The following LONP2 variants were observed in gnomAD, a reference collection of about 807,000 sequenced individuals.
The protein encoded by LONP2 is lon peptidase 2, peroxisomal, also known as lon protease homolog 2, peroxisomal.
In LONP2, 60 loss-of-function variants were observed where a neutral mutation model predicts 85.6. That is an observed-to-expected ratio of 0.70 (90% CI 0.57 to 0.87). The LOEUF is 0.87. Among genes scored for constraint, LONP2 ranks in the 40% least tolerant of loss-of-function variants. The pLI, the probability that LONP2 is intolerant of heterozygous loss-of-function variation, is 0.00. For synonymous variants in LONP2, 395 were observed against 389.7 expected (o/e 1.01, Z -0.16); for missense variants, 860 against 1,063.5 (o/e 0.81, Z 2.66).
chr16:48,306,803 T>A (rs1972921268), intron 11 of LONP2, among the ~76,000 whole-genome samples: 1 of 152,078 alleles, frequency 6.6e-6, no homozygotes, highest in Non-Finnish European at 1.5e-5. Context: ...GTAATGAAAA[T>A]TTTCTCATTA....
rs1960170565 is a variant in LONP2, at chr16:48,352,112, A to C, written c.*310A>C. ...CTGTAGTACCTGGTAACTTGTTAGA[A>C]ATGTACATTCTCAGGCTCCACAGCA... On this transcript the variant is annotated 3_prime_UTR_variant, in exon 15 of 15. Coordinates refer to ENST00000285737, the MANE Select transcript of LONP2 (RefSeq NM_031490.5). 3.6e-6 allele frequency: 1 copy of C among 279,974 alleles called. No homozygotes were observed. The highest frequency in any genetic ancestry group is 6.8e-6 in the Non-Finnish European group (1 of 147,656). The allele number at this position is 279,974 out of a possible 1,614,324, so 17.3% of individuals were successfully genotyped here. A position where few individuals can be genotyped will look rare whatever the true frequency, so the allele number is the denominator to read the frequency against.
In LONP2 at chr16:48,271,721, A is replaced by C. The variant is rs55886621; in HGVS notation, c.1241+1447A>C. On this transcript the variant is annotated intron_variant, in intron 7 of 14. Transcript: ENST00000285737. ...ACTTGGTGACACCCCATCTCTAAAA[A>C]AATAATAATAATAAATTTTAAAAAA... Among the ~76,000 whole-genome samples the C allele has an allele frequency of 5.5e-3, 838 of 152,268 alleles. 6 individuals are homozygous for C. The highest frequency in any genetic ancestry group is 0.019 in the African/African-American group (787 of 41,556).
At chr16:48,309,811 C>G (rs1441427313) in intron 11 of LONP2, among the ~76,000 whole-genome samples, 1 of 151,890 alleles carries the variant, frequency 6.6e-6, no homozygotes, top group Non-Finnish European at 1.5e-5. Context: ...AAAAATGTAT[C>G]TTTTGTGGTT....
At chr16:48,293,211 G>A (rs1406613061) in intron 8 of LONP2, among the ~76,000 whole-genome samples, 2 of 152,042 alleles carry the variant, frequency 1.3e-5, no homozygotes, top group Non-Finnish European at 2.9e-5. Flanking sequence ...GGCAGATCAC[G>A]AGGTCAGGAG....
intron 11 of LONP2, among the ~76,000 whole-genome samples, chr16:48,306,946 A>G (rs2151004406): frequency 6.6e-6 from 1 of 152,326 alleles, no homozygotes; most frequent in South Asian, 2.1e-4. Context: ...GACAGAAAAA[A>G]AATAATAAGG....
At chr16:48,338,634 G>C (rs570611669) in intron 12 of LONP2, among the ~76,000 whole-genome samples, 2 of 152,100 alleles carry the variant, frequency 1.3e-5, no homozygotes, top group African/African-American at 4.8e-5. Context: ...CAGGCTGGGC[G>C]CGGTGGCTCA....
At chr16:48,343,446 C>T (rs1213262184) in intron 12 of LONP2, among the ~76,000 whole-genome samples, 1 of 152,162 alleles carries the variant, frequency 6.6e-6, no homozygotes, top group East Asian at 1.9e-4. Flanking sequence ...CACCTGTAAT[C>T]CCAGCACTTT....
At chr16:48,342,288 G>GAAT (rs1483796205) in intron 12 of LONP2, among the ~76,000 whole-genome samples, 1 of 152,188 alleles carries the variant, frequency 6.6e-6, no homozygotes, top group Non-Finnish European at 1.5e-5. Flanking sequence ...AAAGCCTCCT[G>GAAT]AATAGAATGC....
chr16:48,357,797 T>A (rs956161796), downstream of LONP2, among the ~76,000 whole-genome samples: 2 of 152,202 alleles, frequency 1.3e-5, no homozygotes, highest in African/African-American at 4.8e-5. Context: ...GCCACTTACA[T>A]ACGTTTGAAG....
At chr16:48,291,521 C>G (rs1050076976) in intron 8 of LONP2, among the ~76,000 whole-genome samples, 1 of 152,166 alleles carries the variant, frequency 6.6e-6, no homozygotes. Context: ...CTTCACATTC[C>G]TAGGAATAAT....
intron 1 of LONP2, among the ~76,000 whole-genome samples, chr16:48,249,459 A>G (rs1311736437): frequency 6.6e-6 from 1 of 152,208 alleles, no homozygotes; most frequent in Non-Finnish European, 1.5e-5. Context: ...ACCTGTTTGT[A>G]TATATAAAAC....
chr16:48,328,166 A>G (rs776762999), intron 11 of LONP2, among the ~76,000 whole-genome samples: 13 of 152,212 alleles, frequency 8.5e-5, no homozygotes, highest in Non-Finnish European at 1.6e-4. Flanking sequence ...TAATCCCAAC[A>G]CTTTGAGAGG....
At chr16:48,359,265 C>T (rs868465745), downstream of LONP2, among the ~76,000 whole-genome samples, 2 of 152,136 alleles carry the variant, frequency 1.3e-5, no homozygotes, top group South Asian at 4.1e-4. Context: ...CGTCCAGCCA[C>T]GTTTATTTTG....
rs754892646 is a variant in LONP2 at position 48,362,486 on chromosome 16, TATAA to T, written c.*628_*631del. 2.0e-5 allele frequency: 32 copies of T among 1,566,886 alleles called. No homozygotes were observed. The South Asian group carries it at 3.4e-4, about 17-fold the overall frequency. ...AAATAATTATAACCATGACTTACTT[TATAA>T]ATAATGTTTACATGCCATAAGTCCT... On this transcript the variant is annotated 3_prime_UTR_variant, in exon 5 of 5. Transcript: ENST00000565867. The surrounding 1 kb of genome is among the most constrained non-coding windows in gnomAD (Gnocchi z 4.2).
At chr16:48,255,401 C>A (rs1454251904) in intron 2 of LONP2, among the ~76,000 whole-genome samples, 1 of 152,126 alleles carries the variant, frequency 6.6e-6, no homozygotes, top group Non-Finnish European at 1.5e-5. Flanking sequence ...CATAGACACA[C>A]CTATTAGTAT....
intron 1 of LONP2, among the ~76,000 whole-genome samples, chr16:48,250,222 C>T (rs935399188): frequency 6.6e-6 from 1 of 151,990 alleles, no homozygotes; most frequent in Non-Finnish European, 1.5e-5. Context: ...GTGGCTCACA[C>T]CTGTAATCCC....
intron 6 of LONP2, among the ~76,000 whole-genome samples, chr16:48,268,591 G>C (rs1334306175): frequency 6.6e-6 from 1 of 152,038 alleles, no homozygotes; most frequent in African/African-American, 2.4e-5. Context: ...ATTTGTCTGA[G>C]GTTTTCTTTT....
intron 9 of LONP2, among the ~76,000 whole-genome samples, chr16:48,297,521 G>A (rs1259366741): frequency 6.6e-6 from 1 of 152,092 alleles, no homozygotes; most frequent in Non-Finnish European, 1.5e-5. Flanking sequence ...TATTGGCCAG[G>A]CTGGTCTTGA....
intron 12 of LONP2, among the ~76,000 whole-genome samples, chr16:48,338,320 CAAAT>C (rs1959713021): frequency 6.6e-6 from 1 of 152,148 alleles, no homozygotes; most frequent in African/African-American, 2.4e-5. Context: ...GACAAGTAAA[CAAAT>C]AATCACAAAT....
Sources: gnomAD v4.1 joint callset for allele counts (sites outside exome capture counted in the v4.1 genomes callset) on GRCh38, gnomAD v4.1.1 for gene constraint, Gnocchi (gnomAD v3.1) non-coding constraint, MANE v1.5 for transcripts, NCBI Gene and HGNC (gene_info 2026-07-23, HGNC 2026-07-21) for gene names.